Variants in DEAF1 observed in about 807,000 individuals in gnomAD.
DEAF1 encodes DEAF1 transcription factor.
In DEAF1, 53 loss-of-function variants were observed where a neutral mutation model predicts 58.9. The observed-to-expected ratio is 0.90, with a 90% CI of 0.72 to 1.13. DEAF1 has a LOEUF of 1.13. DEAF1 is among the 50% of genes most tolerant of loss of function. The pLI is 0.00. For synonymous variants in DEAF1, 385 were observed against 340.4 expected, an observed-to-expected ratio of 1.13 and a Z score of -1.44; for missense variants, 685 against 791.4, an observed-to-expected ratio of 0.87 and a Z score of 1.61.
chr11:679,962 G>T, intron 7 of DEAF1, 146 bp from the exon 8 acceptor site: 1 of 1,141,892 alleles, frequency 8.8e-7, no homozygotes, highest in Non-Finnish European at 1.3e-6. Context: ...TGAAGGACAC[G>T]GGGGAAATCC....
intron 1 of DEAF1, among the ~76,000 whole-genome samples, chr11:702,280 C>CA (rs1861533982): frequency 6.6e-6 from 1 of 152,260 alleles, no homozygotes; most frequent in African/African-American, 2.4e-5. Context: ...GCTTGCCCCC[C>CA]AGGGCGGGCA....
chr11:700,074 T>C, upstream of DEAF1: 1 of 1,369,724 alleles, frequency 7.3e-7, no homozygotes, highest in South Asian at 1.2e-5. Context: ...AACCAGCCCC[T>C]CTTGTTCAGC....
chr11:669,927 C>CAAAAAA (rs59541099), intron 10 of DEAF1, among the ~76,000 whole-genome samples: 3 of 86,904 alleles, frequency 3.5e-5, no homozygotes, highest in Non-Finnish European at 6.5e-5. Context: ...GAGACTGTCT[C>CAAAAAA]AAAAAAAAAA....
At position 686,839 on chromosome 11, in the gene DEAF1, G is replaced by A. The variant is rs7121478; in HGVS notation, c.804+19C>T. 0.13 allele frequency: 216,257 copies of A among 1,613,676 alleles called. 16,845 individuals carry two copies. The highest frequency in any genetic ancestry group is 0.34 in the African/African-American group (25,687 of 74,994). On this transcript the variant is annotated intron_variant, in intron 5 of 11. Coordinates refer to ENST00000382409, the MANE Select transcript of DEAF1 (RefSeq NM_021008.4). ...CGTCTGAACTGTGTGCTGAGCACAG[G>A]TGAGGTCACGGACGATACCTGGATG...
At chr11:682,910 G>A (rs572837184) in intron 6 of DEAF1, among the ~76,000 whole-genome samples, 5 of 152,072 alleles carry the variant, frequency 3.3e-5, no homozygotes, top group Non-Finnish European at 5.9e-5. Flanking sequence ...TCCCTTGACC[G>A]GGAACTGCAA....
At chr11:681,967 C>G (rs376455410) in intron 6 of DEAF1, among the ~76,000 whole-genome samples, 3 of 152,192 alleles carry the variant, frequency 2.0e-5, no homozygotes, top group Non-Finnish European at 2.9e-5. Flanking sequence ...AATCAGACAC[C>G]GCAGGTGATA....
In DEAF1 at chr11:652,060, C is replaced by T. The variant is rs552778104; in HGVS notation, c.1593+1902G>A. On this transcript the variant is annotated intron_variant, in intron 11 of 11. Coordinates refer to ENST00000382409, the MANE Select transcript of DEAF1 (RefSeq NM_021008.4). ...ACTCCACCCAACAGAGCAGAATATA[C>T]AAGCAACACTCTCCATGATAAGACC... Among the ~76,000 whole-genome samples, 297 of 152,278 alleles carry T rather than the reference C, an allele frequency of 2.0e-3. 1 individual carries two copies. Among genetic ancestry groups the T allele is most frequent in the African/African-American group, 7.0e-3 (292 of 41,558 alleles).
upstream of DEAF1, chr11:700,072 C>T (rs1032015107): frequency 3.4e-5 from 44 of 1,310,194 alleles, no homozygotes; most frequent in Non-Finnish European, 4.6e-5. Flanking sequence ...AGAACCAGCC[C>T]CTCTTGTTCA....
At chr11:653,698 G>A (rs533575533) in intron 11 of DEAF1, among the ~76,000 whole-genome samples, 1 of 152,290 alleles carries the variant, frequency 6.6e-6, no homozygotes, top group South Asian at 2.1e-4. Flanking sequence ...GGGTGTGGAG[G>A]GCTGGGAAGC....
In DEAF1 at chr11:674,811, C is replaced by A. The variant is rs1337280385; in HGVS notation, c.1256-28G>T. ...AGAGCATTTGGAAAGCAAAACAAAC[C>A]AAGAAATTAATACATCTCCTAGCTT... is the stretch of plus-strand genomic sequence containing the variant. On this transcript the variant is annotated intron_variant, in intron 9 of 11. Transcript: ENST00000382409. 6 of 1,606,226 alleles carry A rather than the reference C, an allele frequency of 3.7e-6. No individual in the cohort carries two copies. The East Asian group carries it at 1.1e-4, about 30-fold the overall frequency.
chr11:704,731 C>A, intron 1 of DEAF1: 1 of 1,124,192 alleles, frequency 8.9e-7, no homozygotes, highest in Non-Finnish European at 1.2e-6. Flanking sequence ...CCAGGTGACC[C>A]GGAGTGGATG....
intron 5 of DEAF1, among the ~76,000 whole-genome samples, chr11:685,417 G>T (rs557246959): frequency 1.8e-4 from 27 of 152,294 alleles, no homozygotes; most frequent in African/African-American, 6.5e-4. Flanking sequence ...AATCAGGGCC[G>T]GGCATGGTGG....
At position 695,027 on chromosome 11, in the gene DEAF1, C is replaced by T. The variant is rs1243695617; in HGVS notation, c.21G>A (p.Ala7=). 6 of 1,414,044 alleles carry T rather than the reference C, an allele frequency of 4.2e-6. No homozygotes were observed. In the African/African-American group the frequency reaches 4.5e-5, roughly 11 times the overall value. The allele number at this position is 1,414,044 out of a possible 1,614,324, so 87.6% of individuals were successfully genotyped here. The part of the protein sequence containing the change: MEDSDS[A]AKQLGLAEAA... ...CCTCAGCCAGGCCCAGCTGCTTTGCCGCCGAGTCCGAGTCCTCCATCCGGA... is the reference window on the plus strand; with the variant it reads ...CCTCAGCCAGGCCCAGCTGCTTTGCTGCCGAGTCCGAGTCCTCCATCCGGA... The change falls in exon 1 of 12, where the codon GCG becomes GCA. Residue 7 remains alanine (A), a synonymous_variant. Coordinates refer to ENST00000382409, the MANE Select transcript of DEAF1 (RefSeq NM_021008.4).
intron 10 of DEAF1, among the ~76,000 whole-genome samples, chr11:660,374 C>A (rs1264304678): frequency 6.6e-6 from 1 of 152,216 alleles, no homozygotes; most frequent in Non-Finnish European, 1.5e-5. Flanking sequence ...CCCAGAAAGC[C>A]CACACACCTC....
chr11:702,827 C>T, intron 1 of DEAF1: 1 of 1,010,458 alleles, frequency 9.9e-7, no homozygotes, highest in Non-Finnish European at 1.4e-6. Flanking sequence ...TCCCCAGGCC[C>T]CGGAGGAACG....
At chr11:659,046 G>A (rs1487291513) in intron 10 of DEAF1, among the ~76,000 whole-genome samples, 1 of 152,116 alleles carries the variant, frequency 6.6e-6, no homozygotes, top group South Asian at 2.1e-4. Context: ...CAAAGAATAA[G>A]TTAATAATGT....
upstream of DEAF1, chr11:698,747 C>A: frequency 8.3e-7 from 1 of 1,210,416 alleles, no homozygotes; most frequent in Non-Finnish European, 1.2e-6. Flanking sequence ...ATGTTTGCTG[C>A]TTTCTACAAA....
intron 1 of DEAF1, among the ~76,000 whole-genome samples, chr11:701,333 C>T (rs1422645359): frequency 6.6e-6 from 1 of 151,824 alleles, no homozygotes; most frequent in African/African-American, 2.4e-5. Context: ...GGATTACAGG[C>T]ACCTGCCACC....
chr11:654,165 C>CAT, intron 10 of DEAF1, 114 bp from the exon 11 acceptor site: 3 of 410,992 alleles, frequency 7.3e-6, no homozygotes, highest in Non-Finnish European at 8.6e-6. Flanking sequence ...ATTGGACCCC[C>CAT]TTTTTTTTTT....
Sources: gnomAD v4.1 joint callset for allele counts (sites outside exome capture counted in the v4.1 genomes callset) on GRCh38, gnomAD v4.1.1 for gene constraint, MANE v1.5 for transcripts, NCBI Gene and HGNC (gene_info 2026-07-23, HGNC 2026-07-21) for gene names.